ZNF274: variants seen among roughly 807,000 people sequenced by gnomAD.
The protein encoded by ZNF274 is neurotrophin receptor-interacting factor homolog.
A neutral mutation model predicts 42.5 loss-of-function variants in ZNF274; 23 were observed. That is an observed-to-expected ratio of 0.54 (90% CI 0.39 to 0.77). The LOEUF (loss-of-function observed/expected upper bound fraction) is 0.77, where lower values mean the gene tolerates loss of function less well. Among genes scored for constraint, ZNF274 ranks in the 30% least tolerant of loss-of-function variants. The probability of loss-of-function intolerance (pLI) is 0.00; values close to 1 mark genes in which losing one functional copy is unlikely to be tolerated. For missense variants in ZNF274, 679 were observed against 806.5 expected, an observed-to-expected ratio of 0.84 and a Z score of 1.91; for synonymous variants, 292 against 305.4, an observed-to-expected ratio of 0.96 and a Z score of 0.46.
At chr19:58,197,807 A>T (rs1246179458) in intron 4 of ZNF274, among the ~76,000 whole-genome samples, 1 of 152,164 alleles carries the variant, frequency 6.6e-6, no homozygotes, top group African/African-American at 2.4e-5. Context: ...GCTGTCAAAC[A>T]TGTTTTGGCT....
At chr19:58,190,876 G>T (rs935578979) in intron 4 of ZNF274, among the ~76,000 whole-genome samples, 1 of 152,158 alleles carries the variant, frequency 6.6e-6, no homozygotes, top group South Asian at 2.1e-4. Flanking sequence ...CCTTGGTGAT[G>T]ACCTGTTTGC....
rs760968392 is a variant in ZNF274 at position 58,186,943 on chromosome 19, G to A, written c.161-4G>A. Reference sequence around the variant, plus strand: ...ACAAGCCCTGTCTCTTTTCCTTTGAGCAGAACATCAGCTTTCCAAACCAGA... The same window carrying A: ...ACAAGCCCTGTCTCTTTTCCTTTGAACAGAACATCAGCTTTCCAAACCAGA... On this transcript the variant is annotated splice_region_variant and splice_polypyrimidine_tract_variant and intron_variant, in intron 3 of 7. Transcript: ENST00000617501. 6 of 1,612,914 alleles carry A rather than the reference G, an allele frequency of 3.7e-6. No homozygotes were observed. Among genetic ancestry groups the A allele is most frequent in the Non-Finnish European group, 4.2e-6 (5 of 1,179,462 alleles).
At chr19:58,203,792 G>A (rs1015460565) in intron 4 of ZNF274, among the ~76,000 whole-genome samples, 2 of 152,192 alleles carry the variant, frequency 1.3e-5, no homozygotes, top group Non-Finnish European at 2.9e-5. Flanking sequence ...TGGGGGAAGA[G>A]GTTGGAATTA....
rs2075999390 is a variant in ZNF274, at chr19:58,208,114, T to G, written c.739+912T>G. 6.6e-6 allele frequency: 1 copy of G among 152,270 alleles called. No individual in the cohort carries two copies. Among genetic ancestry groups the G allele is most frequent in the East Asian group, 1.9e-4 (1 of 5,196 alleles). 9.4% of individuals were successfully genotyped at this position (152,270 alleles called of 1,614,324 possible). ...ACTTGGTTTCTTCATCAGGCTGAGT[T>G]TCACAGAGCGTGCATGCTTCTGCAT... On this transcript the variant is annotated intron_variant, in intron 5 of 7. Transcript: ENST00000617501. The surrounding 1 kb of genome is among the most constrained non-coding windows in gnomAD (Gnocchi z 4.5).
intron 4 of ZNF274, among the ~76,000 whole-genome samples, chr19:58,200,738 CAG>C (rs2075900258): frequency 6.6e-6 from 1 of 152,176 alleles, no homozygotes. Context: ...CATGAAATAA[CAG>C]GGTTTGGAAC....
chr19:58,194,180 G>C (rs1014360952), intron 4 of ZNF274, among the ~76,000 whole-genome samples: 5 of 151,878 alleles, frequency 3.3e-5, no homozygotes, highest in African/African-American at 9.7e-5. Context: ...GTGCACCACT[G>C]CACTCCAGCC....
chr19:58,188,812 A>G (rs1463219881), intron 4 of ZNF274, among the ~76,000 whole-genome samples: 2 of 148,648 alleles, frequency 1.3e-5, no homozygotes, highest in African/African-American at 5.0e-5. Context: ...GCTTGAGGCT[A>G]GGAGTTTGAG....
At chr19:58,206,657 A>T in intron 4 of ZNF274, 63 bp from the exon 5 acceptor site, 1 of 1,481,854 alleles carries the variant, frequency 6.7e-7, no homozygotes, top group Non-Finnish European at 9.0e-7. Flanking sequence ...CTAGTGAATA[A>T]TGGCGTTGAG....
At chr19:58,195,665 C>A (rs912838001) in intron 4 of ZNF274, among the ~76,000 whole-genome samples, 12 of 152,178 alleles carry the variant, frequency 7.9e-5, no homozygotes, top group African/African-American at 2.4e-4. Flanking sequence ...CAGTCCCCAA[C>A]CTTTTTGGCA....
At chr19:58,196,622 G>T (rs759891473) in intron 4 of ZNF274, among the ~76,000 whole-genome samples, 1 of 152,154 alleles carries the variant, frequency 6.6e-6, no homozygotes, top group East Asian at 1.9e-4. Flanking sequence ...TGAAAAATAA[G>T]TTTGATGAGG....
At chr19:58,205,013 C>T (rs1165758704) in intron 4 of ZNF274, among the ~76,000 whole-genome samples, 1 of 152,172 alleles carries the variant, frequency 6.6e-6, no homozygotes, top group African/African-American at 2.4e-5. Context: ...TCATCTAAGT[C>T]CTGAGCTGTG....
chr19:58,201,734 C>T (rs2075914316), intron 4 of ZNF274, among the ~76,000 whole-genome samples: 1 of 151,794 alleles, frequency 6.6e-6, no homozygotes, highest in Non-Finnish European at 1.5e-5. Context: ...CCAGGCTGGT[C>T]TCAAACTCCT....
chr19:58,197,235 A>G (rs2075854697), intron 4 of ZNF274, among the ~76,000 whole-genome samples: 3 of 152,200 alleles, frequency 2.0e-5, no homozygotes, highest in Admixed American at 1.3e-4. Context: ...AGGAGTCCTC[A>G]TTGTTTTCAG....
chr19:58,199,139 G>A (rs1479133135), intron 4 of ZNF274, among the ~76,000 whole-genome samples: 1 of 152,032 alleles, frequency 6.6e-6, no homozygotes, highest in East Asian at 1.9e-4. Flanking sequence ...GCCGAGGCAG[G>A]TGGATCACCT....
intron 3 of ZNF274, among the ~76,000 whole-genome samples, chr19:58,186,625 A>G (rs1020036837): frequency 2.6e-5 from 4 of 151,944 alleles, no homozygotes; most frequent in African/African-American, 9.7e-5. Context: ...CTGTGGCTCC[A>G]AGCATTGCAT....
At chr19:58,184,942 C>T (rs1361208613) in intron 2 of ZNF274, 2 of 150,228 alleles carry the variant, frequency 1.3e-5, no homozygotes, top group Admixed American at 1.3e-4. Context: ...ATAGTGAAAC[C>T]CCGTCTCTAC....
At chr19:58,200,607 G>A (rs560361169) in intron 4 of ZNF274, among the ~76,000 whole-genome samples, 2 of 148,628 alleles carry the variant, frequency 1.3e-5, no homozygotes, top group South Asian at 2.1e-4. Context: ...TGAACCAGGC[G>A]AAGATGTTGG....
At chr19:58,197,236 T>C (rs2075854732) in intron 4 of ZNF274, among the ~76,000 whole-genome samples, 1 of 152,222 alleles carries the variant, frequency 6.6e-6, no homozygotes, top group Non-Finnish European at 1.5e-5. Flanking sequence ...GGAGTCCTCA[T>C]TGTTTTCAGC....
intron 4 of ZNF274, among the ~76,000 whole-genome samples, chr19:58,192,933 A>G (rs927473512): frequency 2.0e-5 from 3 of 151,846 alleles, no homozygotes; most frequent in Non-Finnish European, 1.5e-5. Flanking sequence ...TTTTGTCACC[A>G]TGTTGCCCAG....
Sources: allele counts gnomAD v4.1 joint callset (sites outside exome capture counted in the v4.1 genomes callset), GRCh38; gene constraint gnomAD v4.1.1; non-coding constraint Gnocchi (gnomAD v3.1); transcripts MANE v1.5; gene names NCBI Gene and HGNC (gene_info 2026-07-23, HGNC 2026-07-21).